AHI1: variants seen among roughly 807,000 people sequenced by gnomAD.
AHI1 encodes Abelson helper integration site 1.
Under a neutral mutation model 149.3 loss-of-function variants are expected in AHI1, and 123 were observed. The ratio of observed to expected loss-of-function variants is 0.82; its 90% CI spans 0.71 to 0.96. AHI1 has a LOEUF of 0.96. AHI1 is among the 40% of genes least tolerant of loss of function. AHI1 has a pLI of 0.00. For synonymous variants in AHI1, 475 were observed against 459.8 expected (o/e 1.03, Z -0.42); for missense variants, 1,439 against 1,422.7 (o/e 1.01, Z -0.18).
At chr6:135,306,727 A>G (rs56189625) in intron 26 of AHI1, 1 of 152,196 alleles carries the variant, frequency 6.6e-6, no homozygotes, top group Non-Finnish European at 1.5e-5. Flanking sequence ...ATGGACAACT[A>G]AATGTCCCCC....
At chr6:135,318,688 T>C (rs1394942095) in intron 25 of AHI1, 72 bp from the exon 26 acceptor site, 7 of 822,230 alleles carry the variant, frequency 8.5e-6, no homozygotes, top group East Asian at 5.5e-5. Context: ...ACAACGATGG[T>C]AGGGGCAAAT....
chr6:135,446,166 C>T (rs1787179022), intron 13 of AHI1, among the ~76,000 whole-genome samples: 1 of 152,118 alleles, frequency 6.6e-6, no homozygotes, highest in African/African-American at 2.4e-5. Flanking sequence ...CCACTCACAC[C>T]CCCACCCCTT....
intron 5 of AHI1, among the ~76,000 whole-genome samples, chr6:135,477,627 T>C (rs556647953): frequency 6.6e-6 from 1 of 152,164 alleles, no homozygotes; most frequent in African/African-American, 2.4e-5. Context: ...CAAGATCTGA[T>C]TGCTTGAAAG....
intron 24 of AHI1, among the ~76,000 whole-genome samples, chr6:135,345,867 AG>A (rs1234443343): frequency 6.6e-6 from 1 of 152,234 alleles, no homozygotes; most frequent in African/African-American, 2.4e-5. Flanking sequence ...TGATTGTTAA[AG>A]GAAGTGTAGT....
At chr6:135,450,995 T>C (rs1050926034) in intron 11 of AHI1, among the ~76,000 whole-genome samples, 2 of 128,568 alleles carry the variant, frequency 1.6e-5, no homozygotes, top group Non-Finnish European at 3.6e-5. Flanking sequence ...ATTGTCTTCA[T>C]GCCACTTCCC....
At chr6:135,385,535 A>G (rs1777455099) in intron 23 of AHI1, among the ~76,000 whole-genome samples, 1 of 152,208 alleles carries the variant, frequency 6.6e-6, no homozygotes, top group Admixed American at 6.5e-5. Flanking sequence ...TTGAGCTTGA[A>G]AAGAAGAGAT....
intron 11 of AHI1, among the ~76,000 whole-genome samples, chr6:135,450,142 T>C (rs191980620): frequency 1.1e-4 from 17 of 152,046 alleles, no homozygotes; most frequent in African/African-American, 3.6e-4. Context: ...ATTAAGGAGG[T>C]AGGTAGAAGA....
intron 17 of AHI1, among the ~76,000 whole-genome samples, chr6:135,430,734 G>A (rs551537117): frequency 1.3e-5 from 2 of 151,704 alleles, no homozygotes; most frequent in Admixed American, 6.6e-5. Flanking sequence ...GTTTCTATTC[G>A]GCAAATTTCA....
chr6:135,388,343 T>C (rs1172371943), intron 23 of AHI1, among the ~76,000 whole-genome samples: 1 of 152,250 alleles, frequency 6.6e-6, no homozygotes, highest in African/African-American at 2.4e-5. Context: ...AAGCTCATTT[T>C]ACCTTCCTTA....
intron 23 of AHI1, among the ~76,000 whole-genome samples, chr6:135,369,220 G>C (rs189459174): frequency 1.3e-5 from 2 of 152,326 alleles, no homozygotes; most frequent in Non-Finnish European, 2.9e-5. Context: ...TGTGTGTTCA[G>C]GGGTGGACAT....
At chr6:135,496,826 A>G (rs1168349938) in intron 2 of AHI1, among the ~76,000 whole-genome samples, 3 of 152,252 alleles carry the variant, frequency 2.0e-5, no homozygotes, top group Admixed American at 2.0e-4. Context: ...TTCTAACTTC[A>G]TAAATATTAT....
intron 13 of AHI1, among the ~76,000 whole-genome samples, chr6:135,443,281 C>A (rs920511883): frequency 5.3e-5 from 8 of 152,170 alleles, no homozygotes; most frequent in Non-Finnish European, 8.8e-5. Context: ...AATGTTTTCA[C>A]CCTCTTCTAC....
At chr6:135,376,437 A>G (rs1775922797) in intron 23 of AHI1, among the ~76,000 whole-genome samples, 1 of 152,250 alleles carries the variant, frequency 6.6e-6, no homozygotes, top group Non-Finnish European at 1.5e-5. Context: ...TGACAACACC[A>G]AAAGTGGGAC....
chr6:135,290,301 A>G, intron 28 of AHI1, 122 bp downstream of exon 28: 1 of 697,902 alleles, frequency 1.4e-6, no homozygotes, highest in Admixed American at 2.3e-5. Context: ...ACAGATCCCA[A>G]ATGGGACTTG....
intron 15 of AHI1, among the ~76,000 whole-genome samples, chr6:135,436,017 G>A (rs1785348706): frequency 6.6e-6 from 1 of 152,162 alleles, no homozygotes; most frequent in Non-Finnish European, 1.5e-5. Context: ...ATTTAAGGAG[G>A]TGGGTAAGTT....
chr6:135,398,981 C>G (rs966450422), intron 22 of AHI1, among the ~76,000 whole-genome samples: 25 of 152,108 alleles, frequency 1.6e-4, no homozygotes, highest in African/African-American at 5.8e-4. Context: ...TCCAAGAGTT[C>G]AAGACCAGCC....
chr6:135,397,509 T>C (rs982420509), intron 22 of AHI1, among the ~76,000 whole-genome samples: 13 of 151,968 alleles, frequency 8.6e-5, no homozygotes, highest in African/African-American at 2.2e-4. Context: ...TTAATGAAAT[T>C]CATAATAAAG....
chr6:135,422,543 T>C (rs930329323), intron 20 of AHI1, among the ~76,000 whole-genome samples: 4 of 152,056 alleles, frequency 2.6e-5, no homozygotes, highest in Admixed American at 1.3e-4. Flanking sequence ...TACTAAAGAA[T>C]ATTTGTATTT....
intron 5 of AHI1, among the ~76,000 whole-genome samples, chr6:135,487,251 T>C (rs1794612814): frequency 6.6e-6 from 1 of 152,124 alleles, no homozygotes; most frequent in Non-Finnish European, 1.5e-5. Flanking sequence ...ATTTTATATA[T>C]ATACTTGTTT....
Sources: gnomAD v4.1 joint callset for allele counts (sites outside exome capture counted in the v4.1 genomes callset) on GRCh38, gnomAD v4.1.1 for gene constraint, MANE v1.5 for transcripts, NCBI Gene and HGNC (gene_info 2026-07-23, HGNC 2026-07-21) for gene names.